Variants in PRELID2 observed in about 807,000 individuals in gnomAD.
PRELID2 encodes the protein PRELI domain containing 2, also known as PRELI domain-containing protein 2.
A neutral mutation model predicts 28.4 loss-of-function variants in PRELID2; 25 were observed. The observed-to-expected ratio is 0.88, with a 90% CI of 0.64 to 1.23. The LOEUF is 1.23. PRELID2 is among the 50% of genes most tolerant of loss of function. PRELID2 has a pLI of 0.00. For synonymous variants in PRELID2, 76 were observed against 71.6 expected (o/e 1.06, Z -0.31); for missense variants, 201 against 214.4 (o/e 0.94, Z 0.39).
the PRELID2 span, among the ~76,000 whole-genome samples, chr5:145,404,044 C>T: frequency 1.3e-5 from 2 of 152,172 alleles, no homozygotes; most frequent in Non-Finnish European, 2.9e-5. Context: ...TTGTAGATGG[C>T]AGCCACCCTG....
chr5:145,776,079 G>A (rs1758389485), intron 5 of PRELID2, among the ~76,000 whole-genome samples: 1 of 152,210 alleles, frequency 6.6e-6, no homozygotes, highest in African/African-American at 2.4e-5. Flanking sequence ...CCTCTTATCT[G>A]TAGTTTTGTT....
At chr5:145,801,707 C>T (rs2149827377) in intron 4 of PRELID2, among the ~76,000 whole-genome samples, 1 of 152,296 alleles carries the variant, frequency 6.6e-6, no homozygotes, top group South Asian at 2.1e-4. Context: ...CATTAGCTAT[C>T]ACCTCAAAAT....
chr5:145,633,961 A>G (rs1753967160), intron 1 of PRELID2, among the ~76,000 whole-genome samples: 1 of 152,162 alleles, frequency 6.6e-6, no homozygotes, highest in Non-Finnish European at 1.5e-5. Flanking sequence ...CCACTGGGAG[A>G]GCACAGATGC....
intron 1 of PRELID2, among the ~76,000 whole-genome samples, chr5:145,544,819 G>C (rs955597166): frequency 6.6e-6 from 1 of 152,154 alleles, no homozygotes; most frequent in East Asian, 1.9e-4. Context: ...GTCAAGAAAT[G>C]TCCAATTTGG....
intron 1 of PRELID2, among the ~76,000 whole-genome samples, chr5:145,699,892 T>C (rs1372281120): frequency 6.6e-6 from 1 of 152,198 alleles, no homozygotes; most frequent in Non-Finnish European, 1.5e-5. Context: ...TCGCTTCTTT[T>C]GGTTTCCTGG....
chr5:145,649,293 G>A (rs1165262932), intron 1 of PRELID2, among the ~76,000 whole-genome samples: 3 of 152,124 alleles, frequency 2.0e-5, no homozygotes. Context: ...TTGCAGTGGA[G>A]GGGCGGGATC....
At chr5:145,264,587 C>G in the PRELID2 span, among the ~76,000 whole-genome samples, 1 of 152,020 alleles carries the variant, frequency 6.6e-6, no homozygotes, top group African/African-American at 2.4e-5. Context: ...TTCGACAGGA[C>G]AAGGATGCCC....
At chr5:145,503,225 G>A (rs75918484) in intron 1 of PRELID2, among the ~76,000 whole-genome samples, 4,358 of 152,130 alleles carry the variant, frequency 0.029, 216 homozygotes, top group African/African-American at 0.1. Context: ...CATCGCTGTG[G>A]TTCTGTCTAC....
chr5:145,332,683 G>T, the PRELID2 span, among the ~76,000 whole-genome samples: 2 of 151,204 alleles, frequency 1.3e-5, no homozygotes, highest in Non-Finnish European at 2.9e-5. Context: ...TTTTTTAAAG[G>T]TTCTTAGCTT....
intron 1 of PRELID2, among the ~76,000 whole-genome samples, chr5:145,551,152 C>T (rs1379650906): frequency 4.6e-5 from 7 of 152,024 alleles, no homozygotes; most frequent in Non-Finnish European, 7.4e-5. Context: ...CTAAGAGAAC[C>T]TGCTTATTGG....
At chr5:145,800,182 A>G (rs959920037) in intron 4 of PRELID2, among the ~76,000 whole-genome samples, 1 of 151,960 alleles carries the variant, frequency 6.6e-6, no homozygotes, top group African/African-American at 2.4e-5. Flanking sequence ...TGGTTATTAA[A>G]ACCTCTTAAT....
At chr5:145,761,954 C>A (rs902494729) in intron 6 of PRELID2, among the ~76,000 whole-genome samples, 4 of 151,858 alleles carry the variant, frequency 2.6e-5, no homozygotes, top group Admixed American at 1.3e-4. Context: ...TCAAACTTGA[C>A]AAACTTTGTA....
chr5:145,683,193 G>A (rs1754971849), intron 1 of PRELID2, among the ~76,000 whole-genome samples: 1 of 152,122 alleles, frequency 6.6e-6, no homozygotes, highest in African/African-American at 2.4e-5. Context: ...CTGTGACTTT[G>A]ACTTTAGGTA....
chr5:145,747,136 A>G (rs985044300), intron 1 of PRELID2, among the ~76,000 whole-genome samples: 9 of 152,058 alleles, frequency 5.9e-5, no homozygotes, highest in African/African-American at 2.2e-4. Flanking sequence ...CAGAGGCAGG[A>G]GCAAACTAAT....
chr5:145,259,142 G>A, the PRELID2 span, among the ~76,000 whole-genome samples: 1 of 152,198 alleles, frequency 6.6e-6, no homozygotes, highest in Non-Finnish European at 1.5e-5. Flanking sequence ...CTAGATTTTA[G>A]AGGATGTATG....
intron 1 of PRELID2, among the ~76,000 whole-genome samples, chr5:145,532,040 T>C (rs1451311876): frequency 1.3e-5 from 2 of 152,140 alleles, no homozygotes; most frequent in Non-Finnish European, 2.9e-5. Flanking sequence ...CAGTATAATG[T>C]CTGGCTTGTA....
At chr5:145,258,686 T>A in the PRELID2 span, among the ~76,000 whole-genome samples, 2 of 152,196 alleles carry the variant, frequency 1.3e-5, no homozygotes, top group African/African-American at 2.4e-5. Flanking sequence ...TTGAAACTTA[T>A]ATTTAAAAGA....
chr5:145,601,791 C>CT (rs1753401799), intron 1 of PRELID2, among the ~76,000 whole-genome samples: 1 of 152,104 alleles, frequency 6.6e-6, no homozygotes, highest in Non-Finnish European at 1.5e-5. Flanking sequence ...ATATAAGTAA[C>CT]TTATTGAGAG....
intron 1 of PRELID2, among the ~76,000 whole-genome samples, chr5:145,615,407 G>T (rs1753682591): frequency 7.9e-6 from 1 of 126,462 alleles, no homozygotes; most frequent in African/African-American, 3.5e-5. Context: ...CTCACTGCAG[G>T]CTCCGCCCCC....
Sources: allele counts gnomAD v4.1 joint callset (sites outside exome capture counted in the v4.1 genomes callset), GRCh38; gene constraint gnomAD v4.1.1; transcripts MANE v1.5; gene names NCBI Gene and HGNC (gene_info 2026-07-23, HGNC 2026-07-21).